The following TENM2 variants were observed in gnomAD, a reference collection of about 807,000 sequenced individuals.
TENM2 encodes teneurin-2.
A neutral mutation model predicts 245.2 loss-of-function variants in TENM2; 52 were observed. That is an observed-to-expected ratio of 0.21 (90% CI 0.17 to 0.27). TENM2 has a LOEUF of 0.27. TENM2 is among the 10% of genes least tolerant of loss of function. The pLI is 1.00. For missense variants in TENM2, 3,046 were observed against 3,666.8 expected, an observed-to-expected ratio of 0.83 and a Z score of 4.37; for synonymous variants, 1,363 against 1,438.9, an observed-to-expected ratio of 0.95 and a Z score of 1.19.
chr5:167,185,898 T>C, the TENM2 span, among the ~76,000 whole-genome samples: 1 of 152,178 alleles, frequency 6.6e-6, no homozygotes, highest in Non-Finnish European at 1.5e-5. Context: ...CTAAGGTTTG[T>C]ACACACGAAA....
the TENM2 span, among the ~76,000 whole-genome samples, chr5:167,205,616 T>G: frequency 6.6e-6 from 1 of 152,068 alleles, no homozygotes; most frequent in African/African-American, 2.4e-5. Flanking sequence ...GCCATATTAG[T>G]TTTCTACTGC....
rs770654662 is a variant in TENM2, at chr5:168,032,425, G to A, written c.1187-15002G>A. Among the ~76,000 whole-genome samples, 119 of 152,288 alleles carry A rather than the reference G, an allele frequency of 7.8e-4. 2 individuals carry two copies. Among genetic ancestry groups the A allele is most frequent in the Non-Finnish European group, 6.5e-4 (44 of 68,014 alleles). On this transcript the variant is annotated intron_variant, in intron 5 of 28. Transcript: ENST00000518659. ...ACTGGGATGCCCAGGAAACATCTGG[G>A]GTAGTCTGGGCTATGAAGACCCTCT...
At chr5:168,139,811 A>C (rs1755376981) in intron 12 of TENM2, among the ~76,000 whole-genome samples, 1 of 152,262 alleles carries the variant, frequency 6.6e-6, no homozygotes, top group Non-Finnish European at 1.5e-5. Flanking sequence ...ACCCAGCTCC[A>C]GCTGAACATG....
intron 2 of TENM2, among the ~76,000 whole-genome samples, chr5:167,791,973 G>A (rs1765008517): frequency 6.6e-6 from 1 of 152,156 alleles, no homozygotes; most frequent in South Asian, 2.1e-4. Flanking sequence ...ACCTCCAGCA[G>A]TGAGGAAGAG....
chr5:167,521,256 A>G (rs1241521509), intron 2 of TENM2, among the ~76,000 whole-genome samples: 1 of 152,164 alleles, frequency 6.6e-6, no homozygotes, highest in African/African-American at 2.4e-5. Flanking sequence ...TCTGAGATCC[A>G]TTGCTTGAAC....
At chr5:167,406,040 A>G (rs968039440) in intron 2 of TENM2, among the ~76,000 whole-genome samples, 1 of 152,080 alleles carries the variant, frequency 6.6e-6, no homozygotes, top group Non-Finnish European at 1.5e-5. Context: ...GGCCTCTTAG[A>G]GCAGTCAGAG....
intron 2 of TENM2, among the ~76,000 whole-genome samples, chr5:167,640,924 T>C (rs1170377366): frequency 2.4e-5 from 3 of 126,516 alleles, no homozygotes; most frequent in Admixed American, 8.5e-5. Flanking sequence ...TTAAGCTTAG[T>C]GGTTCTCAAA....
At chr5:168,121,025 T>C (rs1012816860) in intron 10 of TENM2, among the ~76,000 whole-genome samples, 2 of 152,208 alleles carry the variant, frequency 1.3e-5, no homozygotes, top group African/African-American at 4.8e-5. Flanking sequence ...CATGTCAGTT[T>C]CATGGTTGAG....
intron 2 of TENM2, among the ~76,000 whole-genome samples, chr5:167,562,288 G>T (rs1254766370): frequency 6.6e-6 from 1 of 152,000 alleles, no homozygotes; most frequent in Non-Finnish European, 1.5e-5. Flanking sequence ...CCACACAAGA[G>T]AATCTAGTTG....
intron 4 of TENM2, among the ~76,000 whole-genome samples, chr5:167,964,044 G>A (rs1226724805): frequency 6.6e-6 from 1 of 152,174 alleles, no homozygotes; most frequent in Non-Finnish European, 1.5e-5. Flanking sequence ...TTCTTAAGTA[G>A]TGTGTTACAG....
intron 2 of TENM2, among the ~76,000 whole-genome samples, chr5:167,674,788 A>G (rs1007514062): frequency 2.6e-5 from 4 of 152,094 alleles, no homozygotes; most frequent in Admixed American, 1.3e-4. Context: ...TAGTTAACAG[A>G]AATGTTATCT....
rs903788540 is a variant in TENM2, at chr5:168,154,155, A to AAAAC, written c.2423-8453_2423-8452insCAAA. 1.2e-4 allele frequency among the ~76,000 whole-genome samples: 12 copies of AAAAC among 99,918 alleles called. 1 individual carries two copies. The highest frequency in any genetic ancestry group is 3.0e-4 in the African/African-American group (11 of 36,232). 65.6% of individuals were successfully genotyped at this position (99,918 alleles called of 152,430 possible). A position where few individuals can be genotyped will look rare whatever the true frequency, so the allele number is the denominator to read the frequency against. On this transcript the variant is annotated intron_variant, in intron 12 of 28. Coordinates refer to ENST00000518659, the Ensembl canonical transcript of TENM2. Reference sequence around the variant, plus strand: ...CACATGATCACCTACTTTAAAAAAAAAAAAAAAAAAACAGTAAGAGCTTGA... The same window carrying AAAAC: ...CACATGATCACCTACTTTAAAAAAAAAAACAAAAAAAAAAACAGTAAGAGCTTGA...
chr5:167,053,380 C>T, the TENM2 span, among the ~76,000 whole-genome samples: 5 of 152,190 alleles, frequency 3.3e-5, no homozygotes, highest in African/African-American at 1.2e-4. Flanking sequence ...ATATTGGCTG[C>T]ATAGTAGGCC....
chr5:167,054,150 T>C, the TENM2 span, among the ~76,000 whole-genome samples: 1 of 152,312 alleles, frequency 6.6e-6, no homozygotes, highest in South Asian at 2.1e-4. Context: ...TAGTATGTCA[T>C]ACAGAATAGT....
chr5:167,931,721 A>G (rs1007675866), intron 3 of TENM2, among the ~76,000 whole-genome samples: 2 of 152,246 alleles, frequency 1.3e-5, no homozygotes, highest in East Asian at 1.9e-4. Context: ...GTGTTGGGAA[A>G]TAATATATAC....
chr5:167,481,434 T>C lies in TENM2; in HGVS notation c.502+105961T>C, dbSNP rs553385795. On this transcript the variant is annotated intron_variant, in intron 2 of 28. Coordinates refer to ENST00000518659, the Ensembl canonical transcript of TENM2. ...CGATTTAAAATGTAAATTTTAGTGT[T>C]CCATAAATAAAGTTTTATTGGCACA... is the stretch of plus-strand genomic sequence containing the variant. Among the ~76,000 whole-genome samples the C allele has an allele frequency of 9.2e-5, 14 of 152,364 alleles. No individual in the cohort carries two copies. In the East Asian group the frequency reaches 2.7e-3, roughly 29 times the overall value.
rs1252854050 is a variant in TENM2, at chr5:167,625,065, C to T, written c.502+249592C>T. On this transcript the variant is annotated intron_variant, in intron 2 of 28. Transcript: ENST00000518659. ...CATTTAGCAAATCACTTCCTTAAAT[C>T]ATGGCTGTTTTACCCCCAAGCAGAG... Among the ~76,000 whole-genome samples, 10 of 152,068 alleles carry T rather than the reference C, an allele frequency of 6.6e-5. No homozygotes were observed. In the East Asian group the frequency reaches 1.9e-3, roughly 29 times the overall value.
chr5:167,322,785 G>A (rs999647360), intron 1 of TENM2, among the ~76,000 whole-genome samples: 1 of 152,156 alleles, frequency 6.6e-6, no homozygotes, highest in Non-Finnish European at 1.5e-5. Flanking sequence ...ACCATTAGTA[G>A]GTCATCTGCC....
At chr5:167,427,534 T>TGGAAAGGAAGGGAAGGAC (rs1763910734) in intron 2 of TENM2, among the ~76,000 whole-genome samples, 4 of 39,452 alleles carry the variant, frequency 1.0e-4, no homozygotes. Context: ...GAGGGAAGGA[T>TGGAAAGGAAGGGAAGGAC]GGGAAGGAAG....
Sources: allele counts gnomAD v4.1 joint callset (sites outside exome capture counted in the v4.1 genomes callset), GRCh38; gene constraint gnomAD v4.1.1; transcripts MANE v1.5; gene names NCBI Gene and HGNC (gene_info 2026-07-23, HGNC 2026-07-21).